The following GMDS variants were observed in gnomAD, a reference collection of about 807,000 sequenced individuals.
GMDS encodes the protein GDP-mannose 4,6-dehydratase.
A neutral mutation model predicts 49.9 loss-of-function variants in GMDS; 20 were observed. The observed-to-expected ratio is 0.40, with a 90% CI of 0.28 to 0.58. The LOEUF is 0.58. Ranked by LOEUF, GMDS falls within the 20% of genes least tolerant of loss-of-function variation. GMDS has a pLI of 0.42. For synonymous variants in GMDS, 177 were observed against 178.6 expected, an observed-to-expected ratio of 0.99 and a Z score of 0.07; for missense variants, 362 against 481.4, an observed-to-expected ratio of 0.75 and a Z score of 2.32.
In GMDS at chr6:2,245,414, G is replaced by A; in HGVS notation, c.9C>T (p.His3=). The change falls in exon 1 of 11, where the codon CAC becomes CAT. Residue 3 remains histidine (H), a synonymous_variant. Transcript: ENST00000380815. ...GGGCGCTGGGGCAGCGTGCCGGTGC[G>A]TGTGCCATGTCCCGCGGCGGGCGTG... MA[H]APARCPSARG... 5 of 1,518,012 alleles carry A rather than the reference G, an allele frequency of 3.3e-6. No individual in the cohort carries two copies. The highest frequency in any genetic ancestry group is 1.2e-5 in the South Asian group (1 of 82,722). 94.0% of individuals were successfully genotyped at this position (1,518,012 alleles called of 1,614,324 possible). A position where few individuals can be genotyped will look rare whatever the true frequency, so the allele number is the denominator to read the frequency against.
At chr6:2,131,576 C>A (rs1775740015) in intron 1 of GMDS, among the ~76,000 whole-genome samples, 1 of 152,140 alleles carries the variant, frequency 6.6e-6, no homozygotes, top group Admixed American at 6.5e-5. Flanking sequence ...ATTGAAGATA[C>A]TGTAAATCAA....
chr6:1,997,507 C>CAA (rs542421435), intron 4 of GMDS, among the ~76,000 whole-genome samples: 112 of 61,396 alleles, frequency 1.8e-3, no homozygotes, highest in Middle Eastern at 8.8e-3. Flanking sequence ...GACTCTGTCT[C>CAA]AAAAAAAAAA....
At chr6:2,120,308 G>C (rs1229558093) in intron 2 of GMDS, among the ~76,000 whole-genome samples, 1 of 152,046 alleles carries the variant, frequency 6.6e-6, no homozygotes, top group Non-Finnish European at 1.5e-5. Context: ...CCAACACTCA[G>C]TATAGTTTCA....
chr6:1,835,463 T>C (rs2113735061), intron 7 of GMDS, among the ~76,000 whole-genome samples: 1 of 152,308 alleles, frequency 6.6e-6, no homozygotes, highest in Non-Finnish European at 1.5e-5. Context: ...CTTATTCTGC[T>C]TTTACAGAAA....
At chr6:1,875,326 A>G (rs1241607805) in intron 7 of GMDS, among the ~76,000 whole-genome samples, 7 of 49,030 alleles carry the variant, frequency 1.4e-4, no homozygotes, top group African/African-American at 2.5e-4. Flanking sequence ...TTACACACAC[A>G]CACACACACA....
intron 6 of GMDS, among the ~76,000 whole-genome samples, chr6:1,948,030 T>A (rs1409360731): frequency 1.3e-5 from 2 of 152,212 alleles, no homozygotes; most frequent in African/African-American, 2.4e-5. Flanking sequence ...GTAATAATAA[T>A]GACGTGCTAA....
intron 4 of GMDS, among the ~76,000 whole-genome samples, chr6:2,017,309 AT>A (rs57958131): frequency 0.032 from 4,721 of 147,334 alleles, 159 homozygotes; most frequent in South Asian, 0.097. Context: ...GATTCTTTTT[AT>A]TTTTTTTTTT....
At chr6:1,805,657 G>C (rs1400921388) in intron 7 of GMDS, among the ~76,000 whole-genome samples, 1 of 152,088 alleles carries the variant, frequency 6.6e-6, no homozygotes. Context: ...TTTAAATTTT[G>C]AAACAATGCC....
At chr6:2,012,795 A>G (rs896544533) in intron 4 of GMDS, among the ~76,000 whole-genome samples, 6 of 152,134 alleles carry the variant, frequency 3.9e-5, no homozygotes, top group African/African-American at 1.4e-4. Context: ...GCCCCAACTT[A>G]GAGGAGTCCC....
At chr6:2,102,561 T>A (rs2127487197) in intron 4 of GMDS, among the ~76,000 whole-genome samples, 1 of 152,318 alleles carries the variant, frequency 6.6e-6, no homozygotes, top group South Asian at 2.1e-4. Context: ...GTCACATAAA[T>A]AATCTGCACG....
At chr6:1,915,586 T>G (rs1185620326) in intron 7 of GMDS, among the ~76,000 whole-genome samples, 1 of 152,152 alleles carries the variant, frequency 6.6e-6, no homozygotes, top group African/African-American at 2.4e-5. Flanking sequence ...TAAGTTGAAA[T>G]ATGACAGTAT....
At chr6:1,991,435 C>T (rs903771417) in intron 4 of GMDS, among the ~76,000 whole-genome samples, 2 of 152,180 alleles carry the variant, frequency 1.3e-5, no homozygotes, top group African/African-American at 4.8e-5. Flanking sequence ...GAACAGCCTG[C>T]TTGGCTGCTT....
At chr6:1,757,043 CAA>C (rs1391531099) in intron 7 of GMDS, among the ~76,000 whole-genome samples, 14 of 152,274 alleles carry the variant, frequency 9.2e-5, no homozygotes, top group African/African-American at 3.4e-4. Flanking sequence ...AAATCTACCA[CAA>C]AGAGCTATCT....
At chr6:1,741,811 CAAAAAAAAAAAAAAA>C (rs758949708) in intron 8 of GMDS, among the ~76,000 whole-genome samples, 3 of 23,054 alleles carry the variant, frequency 1.3e-4, no homozygotes, top group Non-Finnish European at 2.9e-4. Flanking sequence ...GACTCTGTCT[CAAAAAAAAAAAAAAA>C]AAAAAAAAAA....
chr6:1,722,258 G>T (rs61097433), intron 9 of GMDS, among the ~76,000 whole-genome samples: 121,036 of 144,962 alleles, frequency 0.83, 51,086 homozygotes, highest in East Asian at 1. Flanking sequence ...AGTAGTAGTA[G>T]TAGTATTTTT....
At chr6:2,193,649 T>C (rs1023364183) in intron 1 of GMDS, among the ~76,000 whole-genome samples, 1 of 152,162 alleles carries the variant, frequency 6.6e-6, no homozygotes, top group Non-Finnish European at 1.5e-5. Context: ...ATTTTAGGAT[T>C]GTAAAGGTGG....
chr6:2,060,301 G>A (rs528506771), intron 4 of GMDS, among the ~76,000 whole-genome samples: 2 of 152,246 alleles, frequency 1.3e-5, no homozygotes, highest in East Asian at 1.9e-4. Flanking sequence ...CATGATGCTC[G>A]TTTTTCGTTT....
At chr6:1,973,750 C>T (rs1477669253) in intron 4 of GMDS, among the ~76,000 whole-genome samples, 4 of 151,968 alleles carry the variant, frequency 2.6e-5, no homozygotes, top group Non-Finnish European at 5.9e-5. Context: ...AGAGCAATAA[C>T]CTTGGCATCT....
chr6:1,797,057 A>G (rs982292747), intron 7 of GMDS, among the ~76,000 whole-genome samples: 1 of 152,186 alleles, frequency 6.6e-6, no homozygotes, highest in African/African-American at 2.4e-5. Flanking sequence ...ATGGCCTGTT[A>G]GGAACTGGGC....
Sources: allele counts gnomAD v4.1 joint callset (sites outside exome capture counted in the v4.1 genomes callset), GRCh38; gene constraint gnomAD v4.1.1; transcripts MANE v1.5; gene names NCBI Gene and HGNC (gene_info 2026-07-23, HGNC 2026-07-21).